FMN1: variants seen among roughly 807,000 people sequenced by gnomAD.
FMN1 encodes the protein formin-1.
FMN1 carries 110 observed loss-of-function variants against 132.4 expected under a neutral mutation model. The observed-to-expected ratio is 0.83, with a 90% confidence interval of 0.71 to 0.97. FMN1 has a LOEUF of 0.97. FMN1 is among the 50% of genes least tolerant of loss of function. The pLI is 0.00. For synonymous variants in FMN1, 722 were observed against 651.7 expected (o/e 1.11, Z -1.64); for missense variants, 1,792 against 1,705.3 (o/e 1.05, Z -0.90).
chr15:32,847,353 C>T (rs940518249), intron 17 of FMN1, among the ~76,000 whole-genome samples: 8 of 152,070 alleles, frequency 5.3e-5, no homozygotes, highest in Non-Finnish European at 1.0e-4. Context: ...GTTAATGATA[C>T]TTATCTGACA....
At chr15:33,116,092 C>G (rs2140148866) in intron 4 of FMN1, among the ~76,000 whole-genome samples, 1 of 152,258 alleles carries the variant, frequency 6.6e-6, no homozygotes, top group African/African-American at 2.4e-5. Flanking sequence ...AAAGACATTC[C>G]TGAGTTTTAG....
intron 5 of FMN1, among the ~76,000 whole-genome samples, chr15:33,079,264 C>T (rs531402767): frequency 9.2e-5 from 14 of 152,318 alleles, no homozygotes; most frequent in East Asian, 5.8e-4. Context: ...GCAAATTTCA[C>T]AGTTCCATTA....
At chr15:33,117,538 C>T (rs981211875) in intron 4 of FMN1, among the ~76,000 whole-genome samples, 2 of 152,142 alleles carry the variant, frequency 1.3e-5, no homozygotes, top group Non-Finnish European at 1.5e-5. Context: ...ATCTGAACTA[C>T]GGATTAAGCT....
chr15:32,802,139 C>A (rs757930879), intron 18 of FMN1, among the ~76,000 whole-genome samples: 1 of 152,158 alleles, frequency 6.6e-6, no homozygotes, highest in African/African-American at 2.4e-5. Flanking sequence ...GATTTCTAAT[C>A]CTATGTTTGG....
At chr15:32,998,630 G>C (rs935939345) in intron 7 of FMN1, among the ~76,000 whole-genome samples, 2 of 152,194 alleles carry the variant, frequency 1.3e-5, no homozygotes, top group Non-Finnish European at 1.5e-5. Flanking sequence ...TTCATGAAGA[G>C]TCAAAAGCAA....
chr15:33,052,758 T>C (rs749576752), intron 6 of FMN1, among the ~76,000 whole-genome samples: 1 of 152,214 alleles, frequency 6.6e-6, no homozygotes, highest in Non-Finnish European at 1.5e-5. Context: ...TGAGAACTTA[T>C]CTTCCCATTT....
intron 9 of FMN1, among the ~76,000 whole-genome samples, chr15:32,945,512 C>A (rs2061491174): frequency 6.6e-6 from 1 of 152,258 alleles, no homozygotes; most frequent in South Asian, 2.1e-4. Flanking sequence ...ACACGTATAT[C>A]TTTGGTGGCT....
At chr15:32,950,680 G>T (rs1326737114) in intron 9 of FMN1, among the ~76,000 whole-genome samples, 9 of 152,096 alleles carry the variant, frequency 5.9e-5, no homozygotes, top group Non-Finnish European at 1.0e-4. Context: ...ATACACTGGG[G>T]CCTATTAGAA....
chr15:32,997,402 C>T lies in FMN1; in HGVS notation c.2223+10612G>A, dbSNP rs183927293. Among the ~76,000 whole-genome samples, 384 of 150,050 alleles carry T rather than the reference C, an allele frequency of 2.6e-3. 9 individuals are homozygous for T. Among genetic ancestry groups the T allele is most frequent in the Admixed American group, 0.022 (330 of 15,030 alleles). On this transcript the variant is annotated intron_variant, in intron 7 of 20. Transcript: ENST00000616417. The stretch of plus-strand genomic sequence containing the variant: ...CCTTGTACAGGTCTTTGACACAGGA[C>T]GAGAGAAAAAATTAAAACTTAAAAA...
intron 2 of FMN1, among the ~76,000 whole-genome samples, chr15:33,191,365 T>C (rs1157256222): frequency 1.3e-5 from 2 of 151,970 alleles, no homozygotes; most frequent in Admixed American, 6.6e-5. Flanking sequence ...GTTAAGGAAA[T>C]AGGAGGTGTG....
At chr15:32,885,416 C>A (rs183653019) in intron 16 of FMN1, among the ~76,000 whole-genome samples, 2 of 152,160 alleles carry the variant, frequency 1.3e-5, no homozygotes, top group Non-Finnish European at 2.9e-5. Flanking sequence ...GGGTCACAGG[C>A]GTGATATGTA....
chr15:33,024,054 A>G (rs1265748187), intron 6 of FMN1, among the ~76,000 whole-genome samples: 1 of 152,208 alleles, frequency 6.6e-6, no homozygotes, highest in East Asian at 1.9e-4. Flanking sequence ...CCTATAAATA[A>G]ATAAAAAGGA....
At chr15:33,033,992 C>A (rs2036072851) in intron 6 of FMN1, among the ~76,000 whole-genome samples, 1 of 152,130 alleles carries the variant, frequency 6.6e-6, no homozygotes, top group Admixed American at 6.5e-5. Flanking sequence ...CAGTCTCTTT[C>A]TGTTGCAGGT....
At chr15:33,068,871 C>T (rs779389188) in intron 5 of FMN1, among the ~76,000 whole-genome samples, 1 of 152,186 alleles carries the variant, frequency 6.6e-6, no homozygotes, top group African/African-American at 2.4e-5. Flanking sequence ...TGATTACCCT[C>T]TACACTCCCT....
intron 17 of FMN1, among the ~76,000 whole-genome samples, chr15:32,812,741 T>C (rs2057925516): frequency 6.6e-6 from 1 of 152,254 alleles, no homozygotes; most frequent in Non-Finnish European, 1.5e-5. Context: ...CTAAATCTAG[T>C]ACGATGATAT....
rs367698101 is a variant in FMN1 at position 33,152,788 on chromosome 15, C to CAAAA, written c.1867+256_1867+259dup. The stretch of plus-strand genomic sequence containing the variant: ...CCACAGAAGTAACTTTAGAGGATGC[C>CAAAA]AAAAAAAAAAAAAAAGAAAGAAATA... On this transcript the variant is annotated intron_variant, in intron 4 of 20. Coordinates refer to ENST00000616417, the MANE Select transcript of FMN1 (RefSeq NM_001277313.2). Among the ~76,000 whole-genome samples the CAAAA allele has an allele frequency of 6.3e-3, 417 of 65,900 alleles. 11 individuals are homozygous for CAAAA. The highest frequency in any genetic ancestry group is 8.9e-3 in the Middle Eastern group (1 of 112). 43.2% of individuals were successfully genotyped at this position (65,900 alleles called of 152,430 possible). A position where few individuals can be genotyped will look rare whatever the true frequency, so the allele number is the denominator to read the frequency against.
chr15:32,774,474 T>A, intron 20 of FMN1, 120 bp from the exon 21 acceptor site: 1 of 727,364 alleles, frequency 1.4e-6, no homozygotes, highest in East Asian at 2.7e-5. Context: ...GGCCTAGAAA[T>A]GAGAGTACCT....
chr15:33,117,317 G>GAA (rs2039966405), intron 4 of FMN1, among the ~76,000 whole-genome samples: 2 of 152,142 alleles, frequency 1.3e-5, no homozygotes, highest in Admixed American at 1.3e-4. Context: ...AGACAATGCA[G>GAA]AAATTCCACA....
At chr15:33,142,466 C>T (rs941061998) in intron 4 of FMN1, among the ~76,000 whole-genome samples, 22 of 152,122 alleles carry the variant, frequency 1.4e-4, no homozygotes, top group Non-Finnish European at 2.5e-4. Flanking sequence ...TGCCAAAAAG[C>T]TTTTAAAAAG....
Sources: gnomAD v4.1 joint callset for allele counts (sites outside exome capture counted in the v4.1 genomes callset) on GRCh38, gnomAD v4.1.1 for gene constraint, MANE v1.5 for transcripts, NCBI Gene and HGNC (gene_info 2026-07-23, HGNC 2026-07-21) for gene names.